DLG2: variants seen among roughly 807,000 people sequenced by gnomAD.
DLG2 encodes discs large MAGUK scaffold protein 2.
DLG2 carries 45 observed loss-of-function variants against 132.5 expected under a neutral mutation model. The observed-to-expected ratio is 0.34, with a 90% CI of 0.27 to 0.44. DLG2 has a LOEUF of 0.44. Among genes scored for constraint, DLG2 ranks in the 20% least tolerant of loss-of-function variants. The pLI is 1.00. For synonymous variants in DLG2, 424 were observed against 419.6 expected, an observed-to-expected ratio of 1.01 and a Z score of -0.13; for missense variants, 1,045 against 1,196.9, an observed-to-expected ratio of 0.87 and a Z score of 1.87.
intron 3 of DLG2, among the ~76,000 whole-genome samples, chr11:85,483,929 C>T (rs1044788280): frequency 2.0e-5 from 3 of 150,648 alleles, no homozygotes; most frequent in Non-Finnish European, 4.4e-5. Context: ...AGCTACAATA[C>T]TTTATTAAGG....
chr11:84,147,551 A>C (rs1185823587), intron 9 of DLG2, among the ~76,000 whole-genome samples: 1 of 152,300 alleles, frequency 6.6e-6, no homozygotes. Context: ...CTAGCCTGGA[A>C]CTAAGTTCTC....
At chr11:85,533,482 T>C (rs987702197) in intron 3 of DLG2, among the ~76,000 whole-genome samples, 1 of 149,300 alleles carries the variant, frequency 6.7e-6, no homozygotes, top group Admixed American at 6.7e-5. Flanking sequence ...TATATAATTC[T>C]TTTTAATAGC....
intron 3 of DLG2, among the ~76,000 whole-genome samples, chr11:85,432,907 G>A (rs1360854976): frequency 6.6e-6 from 1 of 152,104 alleles, no homozygotes; most frequent in East Asian, 1.9e-4. Context: ...AATGTTAAGG[G>A]CAGCCAGAGA....
intron 8 of DLG2, among the ~76,000 whole-genome samples, chr11:84,234,505 T>G (rs1383843077): frequency 6.6e-6 from 1 of 152,202 alleles, no homozygotes; most frequent in Non-Finnish European, 1.5e-5. Context: ...CTAATTATTA[T>G]GTATTAGACA....
At chr11:84,400,180 C>T (rs887368032) in intron 7 of DLG2, among the ~76,000 whole-genome samples, 6 of 152,080 alleles carry the variant, frequency 3.9e-5, no homozygotes, top group Non-Finnish European at 8.8e-5. Context: ...AGATTATGAC[C>T]AATAATTTTA....
intron 14 of DLG2, among the ~76,000 whole-genome samples, chr11:83,960,274 G>A (rs2154154888): frequency 6.6e-6 from 1 of 152,090 alleles, no homozygotes; most frequent in Non-Finnish European, 1.5e-5. Flanking sequence ...TCATTTAGCA[G>A]TATTTCCTAA....
At position 83,887,041 on chromosome 11, in the gene DLG2, A is replaced by T. The variant is rs567794535; in HGVS notation, c.1497-12553T>A. On this transcript the variant is annotated intron_variant, in intron 15 of 27. Coordinates refer to ENST00000376104, the MANE Select transcript of DLG2 (RefSeq NM_001142699.3). The stretch of plus-strand genomic sequence containing the variant: ...CCCTAACATCACAATTAAAAGAACT[A>T]GAAAAGCAAGAGCAAACACATTTGA... Among the ~76,000 whole-genome samples the T allele has an allele frequency of 8.5e-5, 13 of 152,324 alleles. No individual in the cohort carries two copies. The South Asian group carries it at 2.7e-3, about 32-fold the overall frequency.
chr11:84,776,938 T>C (rs1464902884), intron 6 of DLG2, among the ~76,000 whole-genome samples: 1 of 152,080 alleles, frequency 6.6e-6, no homozygotes, highest in Non-Finnish European at 1.5e-5. Flanking sequence ...TGTAATTTTG[T>C]TATAAGCATA....
intron 7 of DLG2, among the ~76,000 whole-genome samples, chr11:84,430,233 C>T (rs1410382694): frequency 1.3e-5 from 2 of 151,880 alleles, no homozygotes; most frequent in Admixed American, 6.6e-5. Context: ...GTCAGGAGAT[C>T]GAGACCATCC....
chr11:84,784,143 CAAAAAAAAAA>C (rs59301159), intron 6 of DLG2, among the ~76,000 whole-genome samples: 16 of 8,656 alleles, frequency 1.8e-3, no homozygotes, highest in Non-Finnish European at 2.9e-3. Flanking sequence ...ACTAAAAATG[CAAAAAAAAAA>C]AAAAAAAAAA....
intron 8 of DLG2, among the ~76,000 whole-genome samples, chr11:84,191,493 A>G (rs952338557): frequency 6.6e-6 from 1 of 152,348 alleles, no homozygotes; most frequent in Non-Finnish European, 1.5e-5. Context: ...GCAGTAGAAC[A>G]TTATTTCATT....
Position 85,191,143 on chromosome 11 carries a change from TGCGCGC to T in DLG2, c.187-36498_187-36493del, listed in dbSNP as rs201015532. On this transcript the variant is annotated intron_variant, in intron 4 of 27. Transcript: ENST00000376104. ...TGATGAAATCATTTGTCTATATGCA[TGCGCGC>T]GCGCGCACGCGCGCACACACACACA... is the stretch of plus-strand genomic sequence containing the variant. Among the ~76,000 whole-genome samples the T allele has an allele frequency of 9.2e-5, 13 of 141,312 alleles. No individual in the cohort carries two copies. The East Asian group carries it at 2.1e-3, about 23-fold the overall frequency. 92.7% of individuals were successfully genotyped at this position (141,312 alleles called of 152,430 possible).
intron 19 of DLG2, among the ~76,000 whole-genome samples, chr11:83,616,666 A>G (rs2060863362): frequency 6.6e-6 from 1 of 152,192 alleles, no homozygotes; most frequent in Non-Finnish European, 1.5e-5. Flanking sequence ...TAGTTCATCA[A>G]TATTTTCCTT....
chr11:84,483,801 G>T (rs946275825), intron 7 of DLG2, among the ~76,000 whole-genome samples: 1 of 152,186 alleles, frequency 6.6e-6, no homozygotes, highest in African/African-American at 2.4e-5. Context: ...AGACCTGAAT[G>T]CCGCCTAATT....
chr11:84,954,504 G>C (rs1345235168), intron 6 of DLG2, among the ~76,000 whole-genome samples: 1 of 152,174 alleles, frequency 6.6e-6, no homozygotes, highest in Non-Finnish European at 1.5e-5. Context: ...TGGGCAAGAA[G>C]ACTATGTTAG....
chr11:84,607,407 G>A (rs11824888), intron 6 of DLG2, among the ~76,000 whole-genome samples: 15,518 of 152,050 alleles, frequency 0.1, 808 homozygotes, highest in South Asian at 0.15. Flanking sequence ...AGCCTTGCTT[G>A]AGCTAAACTA....
intron 6 of DLG2, among the ~76,000 whole-genome samples, chr11:84,760,052 T>G (rs2067401427): frequency 6.6e-6 from 1 of 152,186 alleles, no homozygotes. Context: ...TGGTAAGCTT[T>G]TAAAATTAAT....
At chr11:84,312,116 T>C (rs2098293511) in intron 7 of DLG2, among the ~76,000 whole-genome samples, 1 of 152,240 alleles carries the variant, frequency 6.6e-6, no homozygotes, top group Non-Finnish European at 1.5e-5. Flanking sequence ...GCTAACATTT[T>C]GTTAATCATT....
At chr11:84,563,371 CT>C (rs1035420105) in intron 6 of DLG2, among the ~76,000 whole-genome samples, 2 of 152,130 alleles carry the variant, frequency 1.3e-5, no homozygotes, top group Non-Finnish European at 2.9e-5. Flanking sequence ...GTTGATATTT[CT>C]TTTTTTCAAA....
Sources: gnomAD v4.1 joint callset for allele counts (sites outside exome capture counted in the v4.1 genomes callset) on GRCh38, gnomAD v4.1.1 for gene constraint, MANE v1.5 for transcripts, NCBI Gene and HGNC (gene_info 2026-07-23, HGNC 2026-07-21) for gene names.